The following GRIA4 variants were observed in gnomAD, a reference collection of about 807,000 sequenced individuals.
GRIA4 encodes the protein glutamate receptor 4.
In GRIA4, 34 loss-of-function variants were observed where a neutral mutation model predicts 104.0. That is an observed-to-expected ratio of 0.33 (90% confidence interval 0.25 to 0.44). The LOEUF is 0.44. Ranked by LOEUF, GRIA4 falls within the 20% of genes least tolerant of loss-of-function variation. The pLI is 1.00. For missense variants in GRIA4, 750 were observed against 1,096.5 expected, an observed-to-expected ratio of 0.68 and a Z score of 4.46; for synonymous variants, 386 against 381.9, an observed-to-expected ratio of 1.01 and a Z score of -0.13.
chr11:105,712,860 A>G (rs532043660), intron 3 of GRIA4, among the ~76,000 whole-genome samples: 2 of 152,022 alleles, frequency 1.3e-5, no homozygotes, highest in East Asian at 1.9e-4. Flanking sequence ...GAAAAAAAAG[A>G]AAAAAAATAT....
chr11:105,793,105 C>T (rs1942288759), intron 4 of GRIA4, among the ~76,000 whole-genome samples: 1 of 152,130 alleles, frequency 6.6e-6, no homozygotes, highest in Non-Finnish European at 1.5e-5. Flanking sequence ...TACTTTGAGT[C>T]AGTTCAAGAA....
intron 3 of GRIA4, among the ~76,000 whole-genome samples, chr11:105,725,541 T>G (rs1360402188): frequency 6.6e-6 from 1 of 152,094 alleles, no homozygotes; most frequent in African/African-American, 2.4e-5. Flanking sequence ...CATGATTTAT[T>G]TGCAGGGGGG....
chr11:105,663,362 C>G (rs531386969), intron 3 of GRIA4, among the ~76,000 whole-genome samples: 1 of 151,896 alleles, frequency 6.6e-6, no homozygotes, highest in Non-Finnish European at 1.5e-5. Context: ...ATTTCTTCAA[C>G]AGACATTTAT....
intron 14 of GRIA4, among the ~76,000 whole-genome samples, chr11:105,960,654 G>A (rs1355674891): frequency 6.6e-6 from 1 of 152,234 alleles, no homozygotes; most frequent in Non-Finnish European, 1.5e-5. Flanking sequence ...GCTGGTGCTG[G>A]TTGCCCCTCC....
At position 105,881,696 on chromosome 11, in the gene GRIA4, AAC is replaced by A. The variant is rs35127883; in HGVS notation, c.673-5806_673-5805del. ...ACGTCTCCAAGTATAGAAGAAAATA[AAC>A]ACACACACACACACACGCCCCTGCA... On this transcript the variant is annotated intron_variant, in intron 5 of 16. Coordinates refer to ENST00000282499, the MANE Select transcript of GRIA4 (RefSeq NM_000829.4). 8.6e-5 allele frequency among the ~76,000 whole-genome samples: 13 copies of A among 150,624 alleles called. No individual in the cohort carries two copies. In the South Asian group the frequency reaches 1.5e-3, roughly 17 times the overall value.
chr11:105,649,527 A>T (rs1951627583), intron 3 of GRIA4, among the ~76,000 whole-genome samples: 1 of 152,150 alleles, frequency 6.6e-6, no homozygotes, highest in Non-Finnish European at 1.5e-5. Context: ...TTTCTCTTTG[A>T]TCTACATTAG....
At chr11:105,654,037 AAAG>A (rs1487611744) in intron 3 of GRIA4, among the ~76,000 whole-genome samples, 4 of 150,922 alleles carry the variant, frequency 2.7e-5, no homozygotes, top group Admixed American at 6.6e-5. Flanking sequence ...AGAAAACAAA[AAAG>A]AAGAAGAAGG....
intron 4 of GRIA4, among the ~76,000 whole-genome samples, chr11:105,760,252 C>T (rs763049593): frequency 3.3e-5 from 5 of 152,030 alleles, no homozygotes; most frequent in African/African-American, 4.8e-5. Flanking sequence ...TTCAAGCAAC[C>T]GTATCTAACC....
At chr11:105,953,040 T>C (rs1948493908) in intron 14 of GRIA4, among the ~76,000 whole-genome samples, 1 of 152,254 alleles carries the variant, frequency 6.6e-6, no homozygotes, top group Non-Finnish European at 1.5e-5. Flanking sequence ...AAGAGCCTTG[T>C]GCTTGTCTAC....
At chr11:105,976,287 T>C (rs980145003) in intron 16 of GRIA4, among the ~76,000 whole-genome samples, 2 of 151,872 alleles carry the variant, frequency 1.3e-5, no homozygotes, top group Non-Finnish European at 2.9e-5. Flanking sequence ...AAAAAAAGAG[T>C]ATTAGAAATT....
At chr11:105,876,113 G>C (rs574076030) in intron 5 of GRIA4, among the ~76,000 whole-genome samples, 25 of 152,190 alleles carry the variant, frequency 1.6e-4, no homozygotes, top group African/African-American at 5.3e-4. Context: ...AGTACATTGT[G>C]TCTTTGTTCT....
At chr11:105,696,024 G>T (rs968615913) in intron 3 of GRIA4, among the ~76,000 whole-genome samples, 5 of 152,186 alleles carry the variant, frequency 3.3e-5, no homozygotes, top group Admixed American at 1.3e-4. Context: ...TGGCATTTCA[G>T]TTCTTCTGAA....
chr11:105,703,478 A>C (rs1953579666), intron 3 of GRIA4, among the ~76,000 whole-genome samples: 1 of 152,168 alleles, frequency 6.6e-6, no homozygotes, highest in South Asian at 2.1e-4. Flanking sequence ...AAAAACCAAT[A>C]AAGAAAAGTG....
Position 105,807,532 on chromosome 11 carries a change from A to G in GRIA4, c.487+54312A>G, listed in dbSNP as rs564438159. On this transcript the variant is annotated intron_variant, in intron 4 of 16. Transcript: ENST00000282499. ...TAAAAATTGAGGTTACAGAGGAAAAATCTTTTTCTTTCTATGCCTTGCAGA... is the reference window on the plus strand; with the variant it reads ...TAAAAATTGAGGTTACAGAGGAAAAGTCTTTTTCTTTCTATGCCTTGCAGA... 2.1e-3 allele frequency among the ~76,000 whole-genome samples: 318 copies of G among 152,016 alleles called. 2 individuals are homozygous for G. Among genetic ancestry groups the G allele is most frequent in the African/African-American group, 7.1e-3 (294 of 41,558 alleles).
intron 4 of GRIA4, among the ~76,000 whole-genome samples, chr11:105,841,591 T>G (rs1944397891): frequency 6.6e-6 from 1 of 152,214 alleles, no homozygotes; most frequent in Admixed American, 6.5e-5. Context: ...TTTCCTACTT[T>G]TCTAGAATTC....
chr11:105,912,559 T>C lies in GRIA4; in HGVS notation c.1269+2014T>C, dbSNP rs540170522. ...ATATATATATATTTATATATATATA[T>C]AAAGGATATTCTGTAAAGTTATATG... On this transcript the variant is annotated intron_variant, in intron 10 of 16. Transcript: ENST00000282499. 1.2e-4 allele frequency: 37 copies of C among 303,252 alleles called. No homozygotes were observed. The South Asian group carries it at 3.5e-3, about 29-fold the overall frequency. 18.8% of individuals were successfully genotyped at this position (303,252 alleles called of 1,614,324 possible).
intron 11 of GRIA4, among the ~76,000 whole-genome samples, chr11:105,921,176 A>G (rs1423793707): frequency 6.6e-6 from 1 of 152,170 alleles, no homozygotes; most frequent in Non-Finnish European, 1.5e-5. Context: ...CATGTGTGAG[A>G]CCCAGAAGCC....
intron 4 of GRIA4, among the ~76,000 whole-genome samples, chr11:105,840,256 T>G (rs1944344872): frequency 1.3e-5 from 2 of 152,196 alleles, no homozygotes. Flanking sequence ...GTGAACCAAA[T>G]TTTTGGTCAT....
At position 105,981,582 on chromosome 11, in the gene GRIA4, C is replaced by CACACAT. The variant is rs1859251361; in HGVS notation, c.*1848_*1849insTACACA. The CACACAT allele has an allele frequency of 6.5e-6, 1 of 154,350 alleles. No individual in the cohort carries two copies. The highest frequency in any genetic ancestry group is 1.4e-5 in the Non-Finnish European group (1 of 70,176). 9.6% of individuals were successfully genotyped at this position (154,350 alleles called of 1,614,324 possible). ...ACACACACACACACACACACACACA[C>CACACAT]ACACACACAAGTCCCTCAGGAAAAA... On this transcript the variant is annotated 3_prime_UTR_variant, in exon 17 of 17. Coordinates refer to ENST00000282499, the MANE Select transcript of GRIA4 (RefSeq NM_000829.4).
Sources: gnomAD v4.1 joint callset for allele counts (sites outside exome capture counted in the v4.1 genomes callset) on GRCh38, gnomAD v4.1.1 for gene constraint, MANE v1.5 for transcripts, NCBI Gene and HGNC (gene_info 2026-07-23, HGNC 2026-07-21) for gene names.